Variants in ERBB4 observed in about 807,000 individuals in gnomAD.
ERBB4 encodes the protein receptor tyrosine-protein kinase erbB-4.
Under a neutral mutation model 158.0 loss-of-function variants are expected in ERBB4, and 42 were observed. That is an observed-to-expected ratio of 0.27 (90% confidence interval 0.21 to 0.34). The LOEUF (loss-of-function observed/expected upper bound fraction) is 0.34. Among genes scored for constraint, ERBB4 ranks in the 10% least tolerant of loss-of-function variants. The pLI is 1.00. For missense variants in ERBB4, 1,333 were observed against 1,624.1 expected, an observed-to-expected ratio of 0.82 and a Z score of 3.08; for synonymous variants, 583 against 558.7, an observed-to-expected ratio of 1.04 and a Z score of -0.61.
At chr2:212,438,023 G>C (rs1189995417) in intron 1 of ERBB4, among the ~76,000 whole-genome samples, 1 of 152,008 alleles carries the variant, frequency 6.6e-6, no homozygotes, top group Non-Finnish European at 1.5e-5. Context: ...TATCTCATGT[G>C]TATCTGTTCG....
chr2:211,393,397 C>T (rs1272894032), intron 25 of ERBB4, among the ~76,000 whole-genome samples: 1 of 152,186 alleles, frequency 6.6e-6, no homozygotes, highest in Non-Finnish European at 1.5e-5. Flanking sequence ...CATGTGCACA[C>T]ATCCATAGTT....
chr2:211,602,389 C>CACAA (rs1355811047), intron 19 of ERBB4, among the ~76,000 whole-genome samples: 1 of 152,026 alleles, frequency 6.6e-6, no homozygotes, highest in Non-Finnish European at 1.5e-5. Context: ...CAAGCCCCCT[C>CACAA]ACAATTAAGC....
chr2:211,522,329 T>C (rs781709860), intron 20 of ERBB4, among the ~76,000 whole-genome samples: 4 of 152,102 alleles, frequency 2.6e-5, no homozygotes, highest in Non-Finnish European at 5.9e-5. Flanking sequence ...TATATAAATG[T>C]AGTGGAAACA....
chr2:211,481,013 T>C (rs1403291804), intron 20 of ERBB4, among the ~76,000 whole-genome samples: 1 of 152,182 alleles, frequency 6.6e-6, no homozygotes, highest in Non-Finnish European at 1.5e-5. Flanking sequence ...AACTGCTTGA[T>C]GCACTTAAGT....
At position 211,772,173 on chromosome 2, in the gene ERBB4, T is replaced by C. The variant is rs566587495; in HGVS notation, c.556+15852A>G. 1.1e-4 allele frequency among the ~76,000 whole-genome samples: 16 copies of C among 152,282 alleles called. No individual in the cohort carries two copies. The Middle Eastern group carries it at 0.01, about 97-fold the overall frequency. On this transcript the variant is annotated intron_variant, in intron 4 of 27. Transcript: ENST00000342788. Reference sequence around the variant, plus strand: ...ACATCTCTTCCAAAATCCACACTGATTGCTCAAATGGGAAGACGTTAGAAA... The same window carrying C: ...ACATCTCTTCCAAAATCCACACTGACTGCTCAAATGGGAAGACGTTAGAAA...
At chr2:212,282,961 C>T (rs2085814822) in intron 1 of ERBB4, among the ~76,000 whole-genome samples, 2 of 151,818 alleles carry the variant, frequency 1.3e-5, no homozygotes, top group South Asian at 2.1e-4. Flanking sequence ...CCAAATACCA[C>T]CTATATTTTT....
At chr2:212,051,192 G>A (rs2077389527) in intron 2 of ERBB4, among the ~76,000 whole-genome samples, 1 of 152,086 alleles carries the variant, frequency 6.6e-6, no homozygotes, top group Non-Finnish European at 1.5e-5. Flanking sequence ...TTGTATCAGA[G>A]TCTGGCATTT....
At chr2:212,009,846 C>T (rs1235333682) in intron 2 of ERBB4, among the ~76,000 whole-genome samples, 1 of 152,100 alleles carries the variant, frequency 6.6e-6, no homozygotes, top group Non-Finnish European at 1.5e-5. Context: ...CATTTGTATC[C>T]TCCCACCTGT....
chr2:212,257,713 C>G (rs533835346), intron 1 of ERBB4, among the ~76,000 whole-genome samples: 1 of 152,242 alleles, frequency 6.6e-6, no homozygotes, highest in East Asian at 1.9e-4. Flanking sequence ...AAATTCAACT[C>G]TCTTAATGAA....
chr2:212,327,650 C>T (rs537790295), intron 1 of ERBB4, among the ~76,000 whole-genome samples: 3 of 151,344 alleles, frequency 2.0e-5, no homozygotes, highest in African/African-American at 4.9e-5. Context: ...GAGGAAGTAA[C>T]TGCAAGTGGG....
At chr2:212,271,105 CATA>C (rs1383748843) in intron 1 of ERBB4, among the ~76,000 whole-genome samples, 2 of 151,732 alleles carry the variant, frequency 1.3e-5, no homozygotes, top group African/African-American at 4.8e-5. Flanking sequence ...TCATATAATA[CATA>C]ATATTTGGAA....
At chr2:211,959,738 C>A (rs1401596826) in intron 2 of ERBB4, among the ~76,000 whole-genome samples, 1 of 151,982 alleles carries the variant, frequency 6.6e-6, no homozygotes, top group Non-Finnish European at 1.5e-5. Flanking sequence ...CACCTTTTTG[C>A]CTATTTTGGT....
At chr2:212,237,264 C>G (rs7581138) in intron 1 of ERBB4, among the ~76,000 whole-genome samples, 1 of 151,924 alleles carries the variant, frequency 6.6e-6, no homozygotes, top group Non-Finnish European at 1.5e-5. Context: ...GGTTTTTGTG[C>G]GGACATCCTT....
intron 1 of ERBB4, among the ~76,000 whole-genome samples, chr2:212,472,663 C>A (rs1002812377): frequency 6.6e-6 from 1 of 151,746 alleles, no homozygotes. Flanking sequence ...TAGTTTGAAA[C>A]TGCTACTCTA....
chr2:211,773,684 T>C, intron 4 of ERBB4, among the ~76,000 whole-genome samples: 1 of 134,562 alleles, frequency 7.4e-6, no homozygotes, highest in East Asian at 2.2e-4. Context: ...ATATACATAC[T>C]ATGAAGTATA....
At chr2:211,457,165 C>T (rs1228899242) in intron 20 of ERBB4, among the ~76,000 whole-genome samples, 1 of 152,094 alleles carries the variant, frequency 6.6e-6, no homozygotes, top group African/African-American at 2.4e-5. Context: ...TCACACTATA[C>T]CATGTGAAAA....
intron 20 of ERBB4, among the ~76,000 whole-genome samples, chr2:211,445,719 G>A (rs1037927385): frequency 5.9e-5 from 9 of 152,114 alleles, no homozygotes; most frequent in South Asian, 4.1e-4. Flanking sequence ...TTTGAAGAAC[G>A]GTGGTCCGCA....
intron 3 of ERBB4, among the ~76,000 whole-genome samples, chr2:211,888,869 T>C (rs985262907): frequency 6.6e-6 from 1 of 151,698 alleles, no homozygotes; most frequent in African/African-American, 2.4e-5. Flanking sequence ...ACCATGAGAT[T>C]ATATCCCACA....
intron 7 of ERBB4, among the ~76,000 whole-genome samples, chr2:211,714,186 T>C (rs890459553): frequency 6.6e-6 from 1 of 152,204 alleles, no homozygotes; most frequent in African/African-American, 2.4e-5. Context: ...TTGGAAAAGG[T>C]ATATCAAATA....
Sources: gnomAD v4.1 joint callset for allele counts (sites outside exome capture counted in the v4.1 genomes callset) on GRCh38, gnomAD v4.1.1 for gene constraint, MANE v1.5 for transcripts, NCBI Gene and HGNC (gene_info 2026-07-23, HGNC 2026-07-21) for gene names.